The following TENT2 variants were observed in gnomAD, a reference collection of about 807,000 sequenced individuals.
TENT2 encodes terminal nucleotidyltransferase 2, also known as poly(A) RNA polymerase GLD2.
TENT2 carries 44 observed loss-of-function variants against 72.2 expected under a neutral mutation model. That is an observed-to-expected ratio of 0.61 (90% CI 0.48 to 0.78). TENT2 has a LOEUF of 0.78. Among genes scored for constraint, TENT2 ranks in the 30% least tolerant of loss-of-function variants. TENT2 has a pLI of 0.00. For synonymous variants in TENT2, 212 were observed against 192.5 expected, an observed-to-expected ratio of 1.10 and a Z score of -0.84; for missense variants, 541 against 569.6, an observed-to-expected ratio of 0.95 and a Z score of 0.51.
chr5:79,628,158 C>G (rs1771956285), intron 4 of TENT2, among the ~76,000 whole-genome samples: 1 of 152,114 alleles, frequency 6.6e-6, no homozygotes, highest in African/African-American at 2.4e-5. Context: ...ACAGTGGTAG[C>G]TAATGTTTAT....
intron 11 of TENT2, among the ~76,000 whole-genome samples, chr5:79,666,079 C>T (rs1235813104): frequency 6.6e-6 from 1 of 151,498 alleles, no homozygotes; most frequent in Non-Finnish European, 1.5e-5. Flanking sequence ...ACCTCCACCT[C>T]CCGGATTCAA....
At chr5:79,678,884 A>C (rs1018684855) in intron 12 of TENT2, among the ~76,000 whole-genome samples, 1 of 152,026 alleles carries the variant, frequency 6.6e-6, no homozygotes, top group Non-Finnish European at 1.5e-5. Context: ...TTGTTTGTTT[A>C]CTTGTACTTT....
chr5:79,641,226 G>A (rs1784186728), intron 6 of TENT2, 30 bp downstream of exon 6: 2 of 1,496,272 alleles, frequency 1.3e-6, no homozygotes, highest in South Asian at 1.4e-5. Context: ...TTCCAAGTGT[G>A]TTTCTCATGT....
intron 4 of TENT2, among the ~76,000 whole-genome samples, chr5:79,628,054 C>A (rs1272479475): frequency 6.6e-6 from 1 of 152,000 alleles, no homozygotes; most frequent in African/African-American, 2.4e-5. Context: ...AAGATTTGAT[C>A]TTTGTCTCTA....
At chr5:79,681,343 A>G (rs1821746111) in intron 13 of TENT2, among the ~76,000 whole-genome samples, 1 of 151,172 alleles carries the variant, frequency 6.6e-6, no homozygotes, top group Non-Finnish European at 1.5e-5. Flanking sequence ...TATTTTTAGT[A>G]GAGGTGGGGT....
Position 79,639,375 on chromosome 5 carries a change from GCC to G in TENT2, c.466-1475_466-1474del, listed in dbSNP as rs1190678611. Among the ~76,000 whole-genome samples the G allele has an allele frequency of 2.0e-5, 3 of 152,090 alleles. No homozygotes were observed. In the East Asian group the frequency reaches 5.8e-4, roughly 29 times the overall value. ...AAGTAATTGCTAAGTGATGCTAAGG[GCC>G]AACCTAAGACTATAAACTTGAAATA... On this transcript the variant is annotated intron_variant, in intron 4 of 14. Coordinates refer to ENST00000453514, the MANE Select transcript of TENT2 (RefSeq NM_001114394.3).
intron 12 of TENT2, among the ~76,000 whole-genome samples, chr5:79,673,014 C>T (rs1214058966): frequency 6.6e-6 from 1 of 152,074 alleles, no homozygotes; most frequent in Admixed American, 6.6e-5. Context: ...TACCTCATTG[C>T]AGTTTTGATT....
At chr5:79,650,109 G>A (rs1230755772) in intron 10 of TENT2, among the ~76,000 whole-genome samples, 1 of 152,054 alleles carries the variant, frequency 6.6e-6, no homozygotes, top group Admixed American at 6.6e-5. Context: ...GATGTCTGGG[G>A]CTTGATCTGT....
intron 14 of TENT2, among the ~76,000 whole-genome samples, chr5:79,684,607 A>G (rs1000516606): frequency 6.6e-6 from 1 of 152,238 alleles, no homozygotes; most frequent in Non-Finnish European, 1.5e-5. Context: ...AAGACAGTCA[A>G]TCAAATAATT....
At chr5:79,656,453 T>A (rs887794032) in intron 10 of TENT2, among the ~76,000 whole-genome samples, 3 of 152,008 alleles carry the variant, frequency 2.0e-5, no homozygotes, top group African/African-American at 4.8e-5. Context: ...TTATTTGCAG[T>A]ATATCAGTTT....
intron 4 of TENT2, among the ~76,000 whole-genome samples, chr5:79,629,634 T>C (rs1193249047): frequency 6.7e-6 from 1 of 149,090 alleles, no homozygotes; most frequent in African/African-American, 2.5e-5. Flanking sequence ...GAGACCATCC[T>C]GGCTAACATC....
rs1458133928 is a variant in TENT2, at chr5:79,687,368, G to C, written c.*2095G>C. On this transcript the variant is annotated 3_prime_UTR_variant, in exon 15 of 15. Transcript: ENST00000453514. ...GTTGATCTGTCCATTTCTGTATATA[G>C]TTGTCCCTCAGTATATTGAGGGATT... Among the ~76,000 whole-genome samples the C allele has an allele frequency of 6.6e-6, 1 of 151,888 alleles. No individual in the cohort carries two copies. Among genetic ancestry groups the C allele is most frequent in the African/African-American group, 2.4e-5 (1 of 41,338 alleles).
chr5:79,685,318 A>G lies in TENT2; in HGVS notation c.*45A>G, dbSNP rs547158174. 2.9e-5 allele frequency: 40 copies of G among 1,386,986 alleles called. 1 individual carries two copies. The South Asian group carries it at 3.4e-4, about 12-fold the overall frequency. The allele number at this position is 1,386,986 out of a possible 1,614,324, so 85.9% of individuals were successfully genotyped here. A position where few individuals can be genotyped will look rare whatever the true frequency, so the allele number is the denominator to read the frequency against. On this transcript the variant is annotated 3_prime_UTR_variant, in exon 15 of 15. Coordinates refer to ENST00000453514, the MANE Select transcript of TENT2 (RefSeq NM_001114394.3). Reference sequence around the variant, plus strand: ...AAATTCTTCCAAGAAATAAAGAACAATAGTTTCATCATAATACATTATGTT... The same window carrying G: ...AAATTCTTCCAAGAAATAAAGAACAGTAGTTTCATCATAATACATTATGTT...
chr5:79,635,101 G>T (rs1779014632), intron 4 of TENT2, among the ~76,000 whole-genome samples: 1 of 152,082 alleles, frequency 6.6e-6, no homozygotes, highest in African/African-American at 2.4e-5. Context: ...AATCGTATAT[G>T]ATTTTTAGCC....
At chr5:79,656,533 A>G (rs186867727) in intron 10 of TENT2, among the ~76,000 whole-genome samples, 1 of 152,072 alleles carries the variant, frequency 6.6e-6, no homozygotes, top group Non-Finnish European at 1.5e-5. Flanking sequence ...TGAAAGAACT[A>G]TTTTTATCTC....
intron 4 of TENT2, among the ~76,000 whole-genome samples, chr5:79,626,958 C>T (rs547026786): frequency 5.9e-5 from 9 of 151,778 alleles, no homozygotes; most frequent in Middle Eastern, 3.4e-3. Flanking sequence ...GGTGAAACCC[C>T]GTCTCTACTA....
chr5:79,641,291 T>C, intron 6 of TENT2, 95 bp downstream of exon 6: 1 of 1,043,756 alleles, frequency 9.6e-7, no homozygotes, highest in Non-Finnish European at 1.4e-6. Flanking sequence ...CTTGCTTTGT[T>C]GTGATTACTT....
At chr5:79,645,441 T>C (rs1277047149) in intron 8 of TENT2, among the ~76,000 whole-genome samples, 1 of 152,150 alleles carries the variant, frequency 6.6e-6, no homozygotes, top group Non-Finnish European at 1.5e-5. Context: ...TACATATTTG[T>C]ATTTTAGATT....
chr5:79,640,161 CAGG>C (rs1561501303), intron 4 of TENT2, among the ~76,000 whole-genome samples: 1 of 151,380 alleles, frequency 6.6e-6, no homozygotes, highest in Admixed American at 6.6e-5. Context: ...GACGCTGAGG[CAGG>C]AGAACCGCTT....
Sources: allele counts gnomAD v4.1 joint callset (sites outside exome capture counted in the v4.1 genomes callset), GRCh38; gene constraint gnomAD v4.1.1; transcripts MANE v1.5; gene names NCBI Gene and HGNC (gene_info 2026-07-23, HGNC 2026-07-21).